The following HAPLN1 variants were observed in gnomAD, a reference collection of about 807,000 sequenced individuals.
HAPLN1 encodes the protein Cartilage link protein.
Under a neutral mutation model 36.5 loss-of-function variants are expected in HAPLN1, and 13 were observed. The observed-to-expected ratio is 0.36, with a 90% confidence interval of 0.23 to 0.57. The LOEUF (loss-of-function observed/expected upper bound fraction) is 0.57. Among genes scored for constraint, HAPLN1 ranks in the 20% least tolerant of loss-of-function variants. The pLI is 0.83. For synonymous variants in HAPLN1, 202 were observed against 169.8 expected, an observed-to-expected ratio of 1.19 and a Z score of -1.48; for missense variants, 407 against 439.7, an observed-to-expected ratio of 0.93 and a Z score of 0.66.
rs1343669735 is a variant in HAPLN1, at chr5:83,638,963, G to T, written c.*2533C>A. 2.0e-5 allele frequency: 3 copies of T among 152,052 alleles called. No homozygotes were observed. The highest frequency in any genetic ancestry group is 6.5e-5 in the Admixed American group (1 of 15,272). 9.4% of individuals were successfully genotyped at this position (152,052 alleles called of 1,614,324 possible). ...TTATGGACAAATACATTAAAACAAG[G>T]GTTCCTGGCCCAGCCTCCCATCTAA... is the stretch of plus-strand genomic sequence containing the variant. On this transcript the variant is annotated 3_prime_UTR_variant, in exon 5 of 5. Transcript: ENST00000274341.
intron 1 of HAPLN1, among the ~76,000 whole-genome samples, chr5:83,689,308 A>T (rs889441294): frequency 1.3e-5 from 2 of 152,192 alleles, no homozygotes; most frequent in African/African-American, 2.4e-5. Flanking sequence ...AAACTGCTAC[A>T]TACACATAGC....
At chr5:83,681,304 A>G (rs1224354064) in intron 1 of HAPLN1, among the ~76,000 whole-genome samples, 1 of 152,124 alleles carries the variant, frequency 6.6e-6, no homozygotes, top group Non-Finnish European at 1.5e-5. Context: ...ACCTAAACGG[A>G]GGCATTTTAA....
intron 1 of HAPLN1, among the ~76,000 whole-genome samples, chr5:83,705,761 A>C (rs1200628336): frequency 2.0e-5 from 3 of 152,176 alleles, no homozygotes; most frequent in Non-Finnish European, 4.4e-5. Context: ...ACAGAAAAAC[A>C]CTCAAAAGAT....
chr5:83,651,679 G>C (rs113959569), intron 3 of HAPLN1, among the ~76,000 whole-genome samples: 88 of 129,416 alleles, frequency 6.8e-4, no homozygotes, highest in African/African-American at 2.5e-3. Flanking sequence ...TTCTCTCAAT[G>C]CTGCCAAAAT....
chr5:83,699,071 C>T (rs1751450965), intron 1 of HAPLN1, among the ~76,000 whole-genome samples: 1 of 152,122 alleles, frequency 6.6e-6, no homozygotes, highest in Admixed American at 6.5e-5. Flanking sequence ...ATCAAATTCA[C>T]TGTTGTGTAT....
rs923289335 is a variant in HAPLN1, at chr5:83,658,174, C to T, written c.101-5350G>A. 3.9e-5 allele frequency among the ~76,000 whole-genome samples: 6 copies of T among 152,194 alleles called. No homozygotes were observed. In the South Asian group the frequency reaches 1.2e-3, roughly 32 times the overall value. ...CTTTATTTTGTGACATTTGTTAACA[C>T]TTTGGCAGATTTGGATGTTTAATAC... is the stretch of plus-strand genomic sequence containing the variant. On this transcript the variant is annotated intron_variant, in intron 2 of 4. Transcript: ENST00000274341.
intron 1 of HAPLN1, among the ~76,000 whole-genome samples, chr5:83,695,858 G>GA (rs1751380460): frequency 6.6e-6 from 1 of 151,552 alleles, no homozygotes; most frequent in Non-Finnish European, 1.5e-5. Context: ...CCTAAAACCA[G>GA]AAAAAAGGCA....
chr5:83,646,517 C>T (rs966542608), intron 3 of HAPLN1, among the ~76,000 whole-genome samples: 11 of 152,172 alleles, frequency 7.2e-5, no homozygotes, highest in African/African-American at 2.7e-4. Flanking sequence ...CTGAAGGCCT[C>T]GGTAGGACAC....
intron 1 of HAPLN1, among the ~76,000 whole-genome samples, chr5:83,700,957 G>A (rs762364591): frequency 6.6e-6 from 1 of 152,024 alleles, no homozygotes; most frequent in Non-Finnish European, 1.5e-5. Context: ...TTAATAAAAG[G>A]AGACCTTCCC....
In HAPLN1 at chr5:83,638,938, T is replaced by G. The variant is rs564833619; in HGVS notation, c.*2558A>C. ...TTCCTTATATGGTCACCAGTGTTAATTATGGACAAATACATTAAAACAAGG... is the reference window on the plus strand; with the variant it reads ...TTCCTTATATGGTCACCAGTGTTAAGTATGGACAAATACATTAAAACAAGG... On this transcript the variant is annotated 3_prime_UTR_variant, in exon 5 of 5. Transcript: ENST00000274341. The G allele has an allele frequency of 6.6e-6, 1 of 152,162 alleles. No homozygotes were observed. Among genetic ancestry groups the G allele is most frequent in the Admixed American group, 6.5e-5 (1 of 15,286 alleles). 9.4% of individuals were successfully genotyped at this position (152,162 alleles called of 1,614,324 possible). A position where few individuals can be genotyped will look rare whatever the true frequency, so the allele number is the denominator to read the frequency against.
chr5:83,687,899 G>C (rs769578440), intron 1 of HAPLN1, among the ~76,000 whole-genome samples: 1 of 152,116 alleles, frequency 6.6e-6, no homozygotes, highest in Non-Finnish European at 1.5e-5. Flanking sequence ...ACATCAAAAG[G>C]CTGTTTTGAC....
In HAPLN1 at chr5:83,659,309, A is replaced by T. The variant is rs566032344; in HGVS notation, c.101-6485T>A. On this transcript the variant is annotated intron_variant, in intron 2 of 4. Coordinates refer to ENST00000274341, the MANE Select transcript of HAPLN1 (RefSeq NM_001884.4). ...AAAATCTGGAATTTTTCTCTGGCAC[A>T]TCTTTGCTTTCACCTGGAAGTTTAA... Among the ~76,000 whole-genome samples, 26 of 152,206 alleles carry T rather than the reference A, an allele frequency of 1.7e-4. No homozygotes were observed. In the South Asian group the frequency reaches 5.0e-3, roughly 29 times the overall value.
chr5:83,675,806 G>A (rs79373998), intron 1 of HAPLN1, among the ~76,000 whole-genome samples: 1 of 152,130 alleles, frequency 6.6e-6, no homozygotes, highest in African/African-American at 2.4e-5. Context: ...ATGGCTCATG[G>A]ATTCCTTAGA....
intron 2 of HAPLN1, among the ~76,000 whole-genome samples, chr5:83,671,042 G>T (rs753115567): frequency 1.1e-3 from 170 of 151,812 alleles, no homozygotes; most frequent in Admixed American, 2.6e-3. Context: ...TTTTGTGTGT[G>T]TCTATATCTC....
intron 1 of HAPLN1, chr5:83,682,455 T>C (rs1207283809): frequency 6.6e-6 from 1 of 152,206 alleles, no homozygotes; most frequent in Non-Finnish European, 1.5e-5. Context: ...CTAGTTATAC[T>C]AAGTCATAAT....
intron 1 of HAPLN1, among the ~76,000 whole-genome samples, chr5:83,709,504 C>T (rs1183141489): frequency 6.6e-6 from 1 of 151,590 alleles, no homozygotes; most frequent in Non-Finnish European, 1.5e-5. Context: ...TACAAAATTT[C>T]CATTTTTATT....
intron 1 of HAPLN1, among the ~76,000 whole-genome samples, chr5:83,713,823 T>A (rs1032547395): frequency 7.9e-5 from 12 of 152,238 alleles, no homozygotes; most frequent in Admixed American, 2.6e-4. Flanking sequence ...CATTCAGTCA[T>A]GCCTACGCTG....
rs577694153 is a variant in HAPLN1, at chr5:83,679,348, A to G, written c.-26-5799T>C. On this transcript the variant is annotated intron_variant, in intron 1 of 4. Coordinates refer to ENST00000274341, the MANE Select transcript of HAPLN1 (RefSeq NM_001884.4). ...ATGGGAGGCTGAACTTAGGATCCTCATGTCTCAGAACCTGCATTCTTAAAT... is the reference window on the plus strand; with the variant it reads ...ATGGGAGGCTGAACTTAGGATCCTCGTGTCTCAGAACCTGCATTCTTAAAT... 5.4e-4 allele frequency among the ~76,000 whole-genome samples: 83 copies of G among 152,312 alleles called. 1 individual carries two copies. The South Asian group carries it at 0.016, about 30-fold the overall frequency.
intron 2 of HAPLN1, among the ~76,000 whole-genome samples, chr5:83,660,708 C>T (rs962936464): frequency 1.3e-5 from 2 of 151,972 alleles, no homozygotes; most frequent in Non-Finnish European, 2.9e-5. Flanking sequence ...TGCCTTTCCA[C>T]ATTCATTATT....
Sources: gnomAD v4.1 joint callset for allele counts (sites outside exome capture counted in the v4.1 genomes callset) on GRCh38, gnomAD v4.1.1 for gene constraint, MANE v1.5 for transcripts, NCBI Gene and HGNC (gene_info 2026-07-23, HGNC 2026-07-21) for gene names.